The following HTR4 variants were observed in gnomAD, a reference collection of about 807,000 sequenced individuals.
The protein encoded by HTR4 is 5-hydroxytryptamine receptor 4.
In HTR4, 16 loss-of-function variants were observed where a neutral mutation model predicts 36.8. The observed-to-expected ratio is 0.43, with a 90% CI of 0.29 to 0.66. The LOEUF (loss-of-function observed/expected upper bound fraction) is 0.66, where lower values mean the gene tolerates loss of function less well. HTR4 is among the 30% of genes least tolerant of loss of function. HTR4 has a pLI of 0.13. For synonymous variants in HTR4, 189 were observed against 185.1 expected (o/e 1.02, Z -0.17); for missense variants, 438 against 490.9 (o/e 0.89, Z 1.02).
At chr5:148,480,926 T>A (rs114885044), downstream of HTR4, among the ~76,000 whole-genome samples, 1,390 of 152,314 alleles carry the variant, frequency 9.1e-3, 27 homozygotes, top group African/African-American at 0.031. Context: ...CACAAAAAAA[T>A]TATCTTATAT....
Position 148,567,602 on chromosome 5 carries a change from G to T in HTR4, c.27-17340C>A, listed in dbSNP as rs115782996. Among the ~76,000 whole-genome samples the T allele has an allele frequency of 8.4e-3, 1,282 of 151,962 alleles. 15 individuals carry two copies. The highest frequency in any genetic ancestry group is 0.029 in the African/African-American group (1,189 of 41,430). On this transcript the variant is annotated intron_variant, in intron 2 of 6. Coordinates refer to ENST00000377888, the MANE Select transcript of HTR4 (RefSeq NM_000870.7). ...TTCCACCAGTTCTTCTCCTCCCTCTGCTCCAGGCACAAACACCTCCTCTGT... is the reference window on the plus strand; with the variant it reads ...TTCCACCAGTTCTTCTCCTCCCTCTTCTCCAGGCACAAACACCTCCTCTGT...
chr5:148,548,361 C>T (rs978536601), intron 4 of HTR4, among the ~76,000 whole-genome samples: 10 of 152,122 alleles, frequency 6.6e-5, no homozygotes, highest in African/African-American at 1.2e-4. Context: ...TTTGTTCATG[C>T]CATCAGTATA....
rs747106012 is a variant in HTR4, at chr5:148,510,004, G to A, written c.528C>T (p.Asn176=). The A allele has an allele frequency of 4.3e-6, 7 of 1,611,830 alleles. No individual in the cohort carries two copies. The South Asian group carries it at 7.7e-5, about 18-fold the overall frequency. ...CACAGTACGTAGAGTTAGAGTTCTG[G>A]TTGAACTTCCTCTTTTCTATCTGAG... ...IIDLIEKRKF[N]QNSNSTYCVF... Residue 176 remains asparagine (N), a synonymous_variant, in exon 6 of 7, where the codon AAC becomes AAT. Coordinates refer to ENST00000377888, the MANE Select transcript of HTR4 (RefSeq NM_000870.7).
intron 2 of HTR4, among the ~76,000 whole-genome samples, chr5:148,608,915 G>T (rs952322682): frequency 6.6e-6 from 1 of 152,050 alleles, no homozygotes; most frequent in Non-Finnish European, 1.5e-5. Flanking sequence ...CCTGATCTTC[G>T]GCCATCAACT....
chr5:148,542,099 C>T (rs1448530100), intron 4 of HTR4, among the ~76,000 whole-genome samples: 1 of 152,106 alleles, frequency 6.6e-6, no homozygotes, highest in Non-Finnish European at 1.5e-5. Context: ...TTTACAATGT[C>T]CAGAACAACT....
chr5:148,543,330 G>T (rs540260462), intron 4 of HTR4, among the ~76,000 whole-genome samples: 36 of 152,276 alleles, frequency 2.4e-4, no homozygotes, highest in African/African-American at 8.7e-4. Context: ...GGGAAACAGA[G>T]TTAGAGAGGG....
rs1030053702 is a variant in HTR4, at chr5:148,523,257, A to G, written c.443T>C (p.Ile148Thr). 3 of 1,613,464 alleles carry G rather than the reference A, an allele frequency of 1.9e-6. No individual in the cohort carries two copies. Among genetic ancestry groups the G allele is most frequent in the Non-Finnish European group, 2.5e-6 (3 of 1,179,776 alleles). The change falls in exon 5 of 7, where the codon ATC (isoleucine) becomes ACC (threonine). Residue 148 changes from isoleucine to threonine, a missense_variant. Physicochemically the swap from Ile to Thr is moderately conservative, Grantham distance 89. Transcript: ENST00000377888. ...IALMLGGCWVIPTFISFLPIM... is the reference protein window; with the variant it reads ...IALMLGGCWVTPTFISFLPIM... ...AGGGAGAAAAGAAATAAACGTGGGG[A>G]TGACCCAGCAGCCTCCCAGCATTAA...
intron 2 of HTR4, among the ~76,000 whole-genome samples, chr5:148,557,676 C>T (rs1314379297): frequency 6.6e-6 from 1 of 151,592 alleles, no homozygotes; most frequent in Non-Finnish European, 1.5e-5. Flanking sequence ...AAAGACTATC[C>T]AGGATGTTCT....
intron 2 of HTR4, among the ~76,000 whole-genome samples, chr5:148,603,567 A>G (rs1190096508): frequency 6.6e-6 from 1 of 152,092 alleles, no homozygotes; most frequent in African/African-American, 2.4e-5. Context: ...CAAAGTTTGA[A>G]ATGAAAGAAG....
intron 2 of HTR4, among the ~76,000 whole-genome samples, chr5:148,617,540 C>T (rs942345590): frequency 1.3e-5 from 2 of 151,814 alleles, no homozygotes; most frequent in Non-Finnish European, 2.9e-5. Context: ...GCGATCCTGG[C>T]TCACTGCAAC....
intron 5 of HTR4, among the ~76,000 whole-genome samples, chr5:148,468,799 G>C (rs181214096): frequency 3.0e-4 from 46 of 152,240 alleles, no homozygotes; most frequent in Non-Finnish European, 5.7e-4. Context: ...TCGTGGGAGG[G>C]ACCCAGTGGA....
At chr5:148,506,723 A>G (rs1757234413) in intron 6 of HTR4, among the ~76,000 whole-genome samples, 1 of 152,254 alleles carries the variant, frequency 6.6e-6, no homozygotes, top group Admixed American at 6.5e-5. Context: ...GGATATGAAC[A>G]GACACTTCTC....
At chr5:148,585,222 A>G (rs1326024616) in intron 2 of HTR4, among the ~76,000 whole-genome samples, 2 of 152,236 alleles carry the variant, frequency 1.3e-5, no homozygotes, top group Non-Finnish European at 2.9e-5. Context: ...GGTTCAATGT[A>G]GGAATCTCTC....
intron 6 of HTR4, among the ~76,000 whole-genome samples, chr5:148,492,622 C>A (rs1371034632): frequency 6.6e-6 from 1 of 152,210 alleles, no homozygotes; most frequent in Non-Finnish European, 1.5e-5. Flanking sequence ...AACAATGTAG[C>A]AGTTTCCATT....
At chr5:148,517,467 T>A (rs1757810426) in intron 5 of HTR4, among the ~76,000 whole-genome samples, 1 of 152,066 alleles carries the variant, frequency 6.6e-6, no homozygotes. Flanking sequence ...AATAGGTATC[T>A]CAAATAAGTA....
Position 148,591,141 on chromosome 5 carries a change from A to T in HTR4, c.27-40879T>A, listed in dbSNP as rs145288795. ...TTTGTCAAATATCATATGGTCATAG[A>T]TGTGCAGCCTTATTTCTGGGCTCTC... On this transcript the variant is annotated intron_variant, in intron 2 of 6. Transcript: ENST00000377888. Among the ~76,000 whole-genome samples, 14 of 152,150 alleles carry T rather than the reference A, an allele frequency of 9.2e-5. No homozygotes were observed. In the East Asian group the frequency reaches 2.7e-3, roughly 29 times the overall value.
chr5:148,525,170 G>A (rs1319721925), intron 4 of HTR4, among the ~76,000 whole-genome samples: 1 of 152,166 alleles, frequency 6.6e-6, no homozygotes, highest in Non-Finnish European at 1.5e-5. Context: ...GTCATTGAAA[G>A]AATCATGATT....
intron 2 of HTR4, among the ~76,000 whole-genome samples, chr5:148,625,836 C>T (rs1753082568): frequency 6.6e-6 from 1 of 151,714 alleles, no homozygotes; most frequent in Non-Finnish European, 1.5e-5. Flanking sequence ...ACCTTGGCCT[C>T]CCAAAGTGCT....
In HTR4 at chr5:148,548,799, C is replaced by T; in HGVS notation, c.222G>A (p.Met74Ile). The T allele has an allele frequency of 6.2e-7, 1 of 1,614,042 alleles. No individual in the cohort carries two copies. Among genetic ancestry groups the T allele is most frequent in the East Asian group, 2.2e-5 (1 of 44,854 alleles). Residue 74 changes from methionine to isoleucine, a missense_variant, in exon 4 of 7, where the codon ATG becomes ATA. Physicochemically the swap from Met to Ile is conservative, Grantham distance 10 (BLOSUM62 1). Coordinates refer to ENST00000377888, the MANE Select transcript of HTR4 (RefSeq NM_000870.7). Reference sequence around the variant, plus strand: ...GAACCAGCTCAATGGCACCAAAGGGCATCACCAGCACCGAAACCAGCAGAT... The same window carrying T: ...GAACCAGCTCAATGGCACCAAAGGGTATCACCAGCACCGAAACCAGCAGAT... ...FADLLVSVLV[M>I]PFGAIELVQD...
Sources: allele counts gnomAD v4.1 joint callset (sites outside exome capture counted in the v4.1 genomes callset), GRCh38; gene constraint gnomAD v4.1.1; transcripts MANE v1.5; gene names NCBI Gene and HGNC (gene_info 2026-07-23, HGNC 2026-07-21).